The following ZKSCAN1 variants were observed in gnomAD, a reference collection of about 807,000 sequenced individuals.
ZKSCAN1 encodes zinc finger protein with KRAB and SCAN domains 1.
ZKSCAN1 carries 14 observed loss-of-function variants against 51.6 expected under a neutral mutation model. The observed-to-expected ratio is 0.27, with a 90% CI of 0.18 to 0.42. The LOEUF (loss-of-function observed/expected upper bound fraction) is 0.42. ZKSCAN1 is among the 10% of genes least tolerant of loss of function. The pLI is 1.00. For missense variants in ZKSCAN1, 531 were observed against 710.0 expected (o/e 0.75, Z 2.86); for synonymous variants, 263 against 261.5 (o/e 1.01, Z -0.06).
At chr7:100,029,828 T>G (rs1192959773) in intron 3 of ZKSCAN1, 33 bp from the exon 4 acceptor site, 1 of 1,603,312 alleles carries the variant, frequency 6.2e-7, no homozygotes, top group Non-Finnish European at 8.5e-7. Flanking sequence ...AGAGCGGAGC[T>G]GATTTACTCA....
In ZKSCAN1 at chr7:100,041,662, A is replaced by G; in HGVS notation, c.*7465A>G. 1 of 985,394 alleles carries G rather than the reference A, an allele frequency of 1.0e-6. No homozygotes were observed. The highest frequency in any genetic ancestry group is 1.2e-6 in the Non-Finnish European group (1 of 829,930). The allele number at this position is 985,394 out of a possible 1,614,324, so 61.0% of individuals were successfully genotyped here. ...TTGTTTCTCTTCTGAGTCATGGTAA[A>G]ACAATAAATTATCATCTCTAGGTGG... On this transcript the variant is annotated 3_prime_UTR_variant, in exon 6 of 6. Coordinates refer to ENST00000324306, the MANE Select transcript of ZKSCAN1 (RefSeq NM_003439.4).
At chr7:100,026,147 G>A (rs908021304) in intron 3 of ZKSCAN1, among the ~76,000 whole-genome samples, 6 of 150,356 alleles carry the variant, frequency 4.0e-5, no homozygotes, top group African/African-American at 1.2e-4. Flanking sequence ...TTGAACTCAG[G>A]CAGCAGAGGT....
Position 100,036,952 on chromosome 7 carries a change from GGA to G in ZKSCAN1, c.*2758_*2759del, listed in dbSNP as rs1464628554. Reference sequence around the variant, plus strand: ...GCCCTCACATTTAATTCCGTTTCATGGAGACATCTTCCTGACTTTGTTGGATA... The same window carrying G: ...GCCCTCACATTTAATTCCGTTTCATGGACATCTTCCTGACTTTGTTGGATA... On this transcript the variant is annotated 3_prime_UTR_variant, in exon 6 of 6. Coordinates refer to ENST00000324306, the MANE Select transcript of ZKSCAN1 (RefSeq NM_003439.4). The G allele has an allele frequency of 1.6e-5, 16 of 984,958 alleles. No homozygotes were observed. The highest frequency in any genetic ancestry group is 1.9e-5 in the Non-Finnish European group (16 of 829,896). The allele number at this position is 984,958 out of a possible 1,614,324, so 61.0% of individuals were successfully genotyped here. A position where few individuals can be genotyped will look rare whatever the true frequency, so the allele number is the denominator to read the frequency against.
At chr7:100,025,280 T>G (rs1008135527) in intron 3 of ZKSCAN1, among the ~76,000 whole-genome samples, 3 of 144,900 alleles carry the variant, frequency 2.1e-5, no homozygotes, top group African/African-American at 7.7e-5. Flanking sequence ...ATAAAAATAA[T>G]CACTGCACTG....
In ZKSCAN1 at chr7:100,037,432, C is replaced by T. The variant is rs3800954; in HGVS notation, c.*3235C>T. 2.0e-4 allele frequency: 197 copies of T among 985,398 alleles called. 3 individuals are homozygous for T. In the East Asian group the frequency reaches 0.02, roughly 100 times the overall value. 61.0% of individuals were successfully genotyped at this position (985,398 alleles called of 1,614,324 possible). On this transcript the variant is annotated 3_prime_UTR_variant, in exon 6 of 6. Coordinates refer to ENST00000324306, the MANE Select transcript of ZKSCAN1 (RefSeq NM_003439.4). ...TATGTAAAGCACTTAATATTAAAGG[C>T]ATAAAAGTGAAACTGCTAAATATGT... is the stretch of plus-strand genomic sequence containing the variant.
chr7:100,041,813 A>G, downstream of ZKSCAN1: 3 of 918,228 alleles, frequency 3.3e-6, no homozygotes, highest in Non-Finnish European at 2.6e-6. Context: ...CCCACAAACA[A>G]AATTCTCATG....
intron 3 of ZKSCAN1, among the ~76,000 whole-genome samples, chr7:100,028,282 G>A (rs1259967396): frequency 2.0e-5 from 3 of 152,090 alleles, no homozygotes; most frequent in Non-Finnish European, 2.9e-5. Flanking sequence ...GAACCCAGGA[G>A]GGGAGGTTGC....
chr7:100,033,497 G>C lies in ZKSCAN1; in HGVS notation c.992G>C (p.Gly331Ala). 1 of 1,613,900 alleles carries C rather than the reference G, an allele frequency of 6.2e-7. No homozygotes were observed. The highest frequency in any genetic ancestry group is 8.5e-7 in the Non-Finnish European group (1 of 1,179,958). The stretch of plus-strand genomic sequence containing the variant: ...ACCAGGAAAGAGAAAAGAGATTCAG[G>C]GCCAGCTATAGGAAAGGACAAAAAA... The part of the protein sequence containing the change: ...EKTRKEKRDS[G>A]PAIGKDKKTI... The change falls in exon 6 of 6, where the codon GGG becomes GCG. Residue 331 changes from glycine to alanine, a missense_variant. Gly to Ala is a moderately conservative substitution (Grantham distance 60). Transcript: ENST00000324306. The surrounding 1 kb of genome is among the most constrained non-coding windows in gnomAD (Gnocchi z 4.1).
At chr7:100,045,038 A>G, downstream of ZKSCAN1, 1 of 922,422 alleles carries the variant, frequency 1.1e-6, no homozygotes, top group Non-Finnish European at 1.3e-6. Flanking sequence ...AAGGTGCCAG[A>G]GACAACACTA....
At chr7:100,022,441 G>A (rs1270734202) in intron 1 of ZKSCAN1, among the ~76,000 whole-genome samples, 1 of 152,212 alleles carries the variant, frequency 6.6e-6, no homozygotes, top group Non-Finnish European at 1.5e-5. Flanking sequence ...CAACACCTGT[G>A]ACAGGTCAGC....
chr7:100,021,211 C>T (rs1319823402), intron 1 of ZKSCAN1, among the ~76,000 whole-genome samples: 2 of 149,282 alleles, frequency 1.3e-5, no homozygotes, highest in East Asian at 2.0e-4. Flanking sequence ...ACCTCAGCCT[C>T]CTGGGTTCAA....
rs1245931922 is a variant in ZKSCAN1 at position 100,033,366 on chromosome 7, A to T, written c.861A>T (p.Ser287=). ...STSKAETSED[S]ASRGETTGRS... ...CAAAGGCTGAAACCTCGGAAGATTC[A>T]GCATCACGCGGGGAGACAACAGGAA... The change falls in exon 6 of 6, where the codon TCA becomes TCT. Residue 287 remains serine, a synonymous_variant. Coordinates refer to ENST00000324306, the MANE Select transcript of ZKSCAN1 (RefSeq NM_003439.4). The surrounding 1 kb of genome is among the most constrained non-coding windows in gnomAD (Gnocchi z 4.1). 1 of 1,614,130 alleles carries T rather than the reference A, an allele frequency of 6.2e-7. No individual in the cohort carries two copies. Among genetic ancestry groups the T allele is most frequent in the Admixed American group, 1.7e-5 (1 of 60,006 alleles).
rs1032541362 is a variant in ZKSCAN1 at position 100,035,076 on chromosome 7, A to G, written c.*879A>G. On this transcript the variant is annotated 3_prime_UTR_variant, in exon 6 of 6. Transcript: ENST00000324306. ...AAAAGATTCGGTTGTCAAGGGATATATTTCTATCCCTGCCAGCACAGTGCT... is the reference window on the plus strand; with the variant it reads ...AAAAGATTCGGTTGTCAAGGGATATGTTTCTATCCCTGCCAGCACAGTGCT... The G allele has an allele frequency of 6.6e-6, 1 of 152,636 alleles. No individual in the cohort carries two copies. The highest frequency in any genetic ancestry group is 6.5e-5 in the Admixed American group (1 of 15,274). The allele number at this position is 152,636 out of a possible 1,614,324, so 9.5% of individuals were successfully genotyped here. A position where few individuals can be genotyped will look rare whatever the true frequency, so the allele number is the denominator to read the frequency against.
At position 100,036,585 on chromosome 7, in the gene ZKSCAN1, G is replaced by T. The variant is rs924162418; in HGVS notation, c.*2388G>T. The T allele has an allele frequency of 1.0e-5, 7 of 698,232 alleles. No individual in the cohort carries two copies. The African/African-American group carries it at 1.2e-4, about 12-fold the overall frequency. The allele number at this position is 698,232 out of a possible 1,614,324, so 43.3% of individuals were successfully genotyped here. On this transcript the variant is annotated 3_prime_UTR_variant, in exon 6 of 6. Transcript: ENST00000324306. ...TTATAAAAATTAGCCGGGCATGATG[G>T]TGGGCACCTGTAATCCCAGCTACTT... is the stretch of plus-strand genomic sequence containing the variant.
At position 100,034,692 on chromosome 7, in the gene ZKSCAN1, A is replaced by G. The variant is rs1025390296; in HGVS notation, c.*495A>G. 1.4e-4 allele frequency: 53 copies of G among 372,192 alleles called. No homozygotes were observed. The highest frequency in any genetic ancestry group is 2.0e-4 in the Non-Finnish European group (53 of 267,968). The allele number at this position is 372,192 out of a possible 1,614,324, so 23.1% of individuals were successfully genotyped here. A position where few individuals can be genotyped will look rare whatever the true frequency, so the allele number is the denominator to read the frequency against. On this transcript the variant is annotated 3_prime_UTR_variant, in exon 6 of 6. Transcript: ENST00000324306. ...TTGGGACATGCTGCTCAAGGTAGTT[A>G]TATATACGATAAGTTGTATATATGA...
chr7:100,029,398 A>G (rs192154612), intron 3 of ZKSCAN1, among the ~76,000 whole-genome samples: 4 of 152,172 alleles, frequency 2.6e-5, no homozygotes, highest in Admixed American at 1.3e-4. Flanking sequence ...AAGATTTTAA[A>G]GCTGTGTTGT....
chr7:100,034,269 G>C lies in ZKSCAN1; in HGVS notation c.*72G>C. 2 of 1,496,176 alleles carry C rather than the reference G, an allele frequency of 1.3e-6. No individual in the cohort carries two copies. The highest frequency in any genetic ancestry group is 2.8e-5 in the South Asian group (2 of 72,384). The allele number at this position is 1,496,176 out of a possible 1,614,324, so 92.7% of individuals were successfully genotyped here. On this transcript the variant is annotated 3_prime_UTR_variant, in exon 6 of 6. Transcript: ENST00000324306. Reference sequence around the variant, plus strand: ...TATTTCAGAGATGTGTGCTCCTGGAGGGAAAAAGAAATACAGCCTCAACAG... The same window carrying C: ...TATTTCAGAGATGTGTGCTCCTGGACGGAAAAAGAAATACAGCCTCAACAG...
At chr7:100,022,265 G>A (rs1017495340) in intron 1 of ZKSCAN1, among the ~76,000 whole-genome samples, 1 of 152,222 alleles carries the variant, frequency 6.6e-6, no homozygotes, top group African/African-American at 2.4e-5. Flanking sequence ...ATGTTGACCA[G>A]GATGGTCCCG....
In ZKSCAN1 at chr7:100,029,948, C is replaced by G; in HGVS notation, c.668C>G (p.Ser223Cys). 1 of 1,614,118 alleles carries G rather than the reference C, an allele frequency of 6.2e-7. No homozygotes were observed. The highest frequency in any genetic ancestry group is 8.5e-7 in the Non-Finnish European group (1 of 1,179,986). The change falls in exon 4 of 6, where the codon TCC becomes TGC. Residue 223 changes from serine to cysteine, a missense_variant. Physicochemically the swap from Ser to Cys is moderately radical, Grantham distance 112. Around this residue, in one of 2 missense-constraint regions of ZKSCAN1, gnomAD observed 403 missense variants for 490.5 expected, o/e 0.82. Coordinates refer to ENST00000324306, the MANE Select transcript of ZKSCAN1 (RefSeq NM_003439.4). ...AMASALFTAD[S>C]QAMVKIEDMA... The stretch of plus-strand genomic sequence containing the variant: ...GCATCTGCACTATTCACAGCGGATT[C>G]CCAGGTGAGCTGTGGCCCCTCTGCT...
Sources: allele counts gnomAD v4.1 joint callset (sites outside exome capture counted in the v4.1 genomes callset), GRCh38; gene constraint gnomAD v4.1.1; regional missense constraint gnomAD v4.1.1; non-coding constraint Gnocchi (gnomAD v3.1); transcripts MANE v1.5; gene names NCBI Gene and HGNC (gene_info 2026-07-23, HGNC 2026-07-21).